The following WDR19 variants were observed in gnomAD, a reference collection of about 807,000 sequenced individuals.
WDR19 encodes the protein WD repeat-containing protein 19.
Under a neutral mutation model 180.0 loss-of-function variants are expected in WDR19, and 121 were observed. That is an observed-to-expected ratio of 0.67 (90% CI 0.58 to 0.78). The LOEUF (loss-of-function observed/expected upper bound fraction) is 0.78. WDR19 is among the 30% of genes least tolerant of loss of function. The probability of loss-of-function intolerance (pLI) is 0.00; values close to 1 mark genes in which losing one functional copy is unlikely to be tolerated. For synonymous variants in WDR19, 497 were observed against 540.7 expected, an observed-to-expected ratio of 0.92 and a Z score of 1.12; for missense variants, 1,450 against 1,640.7, an observed-to-expected ratio of 0.88 and a Z score of 2.01.
intron 13 of WDR19, 90 bp downstream of exon 13, chr4:39,217,330 G>C: frequency 1.6e-5 from 17 of 1,089,866 alleles, no homozygotes; most frequent in Non-Finnish European, 2.3e-5. Context: ...AGGAAGCAAG[G>C]ATGTACAGAC....
At chr4:39,230,722 TATC>T (rs1175953695) in intron 17 of WDR19, among the ~76,000 whole-genome samples, 1 of 152,198 alleles carries the variant, frequency 6.6e-6, no homozygotes, top group East Asian at 1.9e-4. Context: ...TTGATTTTTG[TATC>T]ATGTTTCCAA....
chr4:39,235,587 T>C (rs1016618876), intron 20 of WDR19, among the ~76,000 whole-genome samples: 1 of 152,228 alleles, frequency 6.6e-6, no homozygotes, highest in Non-Finnish European at 1.5e-5. Flanking sequence ...TTCATCTACA[T>C]TTTCTATTTG....
intron 20 of WDR19, among the ~76,000 whole-genome samples, chr4:39,237,038 T>C (rs1334159352): frequency 6.6e-6 from 1 of 152,250 alleles, no homozygotes; most frequent in African/African-American, 2.4e-5. Context: ...TGTACATGTA[T>C]GTGTAATGAC....
At chr4:39,244,196 A>T (rs1300775234) in intron 21 of WDR19, 52 bp from the exon 22 acceptor site, 1 of 1,588,336 alleles carries the variant, frequency 6.3e-7, no homozygotes, top group African/African-American at 1.3e-5. Flanking sequence ...TGTCTTAAAC[A>T]CATCGTGTTA....
At chr4:39,206,394 T>C (rs76102137) in intron 9 of WDR19, among the ~76,000 whole-genome samples, 4,389 of 152,262 alleles carry the variant, frequency 0.029, 215 homozygotes, top group African/African-American at 0.1. Flanking sequence ...AAAACTCTGA[T>C]GGAGGATAAT....
chr4:39,216,359 T>TA, intron 12 of WDR19, 149 bp downstream of exon 12: 1 of 705,094 alleles, frequency 1.4e-6, no homozygotes, highest in Non-Finnish European at 2.2e-6. Context: ...GTAAGTCTTC[T>TA]AAAAATTTGC....
At chr4:39,183,235 C>A (rs1388338316) in intron 1 of WDR19, among the ~76,000 whole-genome samples, 1 of 122,090 alleles carries the variant, frequency 8.2e-6, no homozygotes, top group African/African-American at 3.2e-5. Flanking sequence ...TCTGCTCTGG[C>A]AAAGAAATGG....
At chr4:39,205,842 T>A in intron 9 of WDR19, 106 bp downstream of exon 9, 1 of 1,086,732 alleles carries the variant, frequency 9.2e-7, no homozygotes, top group Non-Finnish European at 1.3e-6. Flanking sequence ...GTTTACAATT[T>A]AAAACGTCTA....
chr4:39,200,179 A>G (rs1195579260), intron 6 of WDR19, among the ~76,000 whole-genome samples: 1 of 152,234 alleles, frequency 6.6e-6, no homozygotes, highest in East Asian at 1.9e-4. Context: ...CTAGAGCAAT[A>G]TTGACTAACA....
At chr4:39,257,621 T>C (rs977315217) in intron 28 of WDR19, 67 bp downstream of exon 28, 27 of 1,434,488 alleles carry the variant, frequency 1.9e-5, no homozygotes, top group Admixed American at 1.4e-4. Flanking sequence ...AAAAAAATTT[T>C]AAATATATGC....
chr4:39,209,016 A>T (rs1728232167), intron 9 of WDR19, among the ~76,000 whole-genome samples: 1 of 152,212 alleles, frequency 6.6e-6, no homozygotes, highest in African/African-American at 2.4e-5. Flanking sequence ...CTATAAACCA[A>T]CTAAACCTAA....
At chr4:39,283,991 CAT>C (rs1736860793) in intron 36 of WDR19, among the ~76,000 whole-genome samples, 1 of 152,154 alleles carries the variant, frequency 6.6e-6, no homozygotes. Flanking sequence ...TTTCTGGCTA[CAT>C]TCAAGGAATT....
At chr4:39,267,851 A>G in intron 29 of WDR19, 144 bp from the exon 30 acceptor site, 1 of 735,596 alleles carries the variant, frequency 1.4e-6, no homozygotes, top group South Asian at 1.7e-5. Context: ...TAATAAATAA[A>G]CGAATTCTTT....
At chr4:39,253,424 A>G (rs1560541322) in intron 25 of WDR19, 132 bp downstream of exon 25, 1 of 1,056,166 alleles carries the variant, frequency 9.5e-7, no homozygotes, top group South Asian at 1.6e-5. Flanking sequence ...CTAAGCGTTT[A>G]AATTCAAAGG....
At chr4:39,250,667 T>C (rs1733065087) in intron 24 of WDR19, among the ~76,000 whole-genome samples, 1 of 152,206 alleles carries the variant, frequency 6.6e-6, no homozygotes, top group Non-Finnish European at 1.5e-5. Flanking sequence ...AGTCTCAGGA[T>C]ACAAAATCAA....
intron 14 of WDR19, among the ~76,000 whole-genome samples, chr4:39,220,870 A>ATTT (rs34845614): frequency 4.5e-3 from 271 of 60,424 alleles, no homozygotes; most frequent in East Asian, 6.3e-3. Flanking sequence ...CTGCTAATTA[A>ATTT]TTTTTTTTTT....
At position 39,196,639 on chromosome 4, in the gene WDR19, A is replaced by G. The variant is rs553983706; in HGVS notation, c.406+1980A>G. 2.0e-5 allele frequency among the ~76,000 whole-genome samples: 3 copies of G among 152,252 alleles called. No homozygotes were observed. In the East Asian group the frequency reaches 5.8e-4, roughly 29 times the overall value. On this transcript the variant is annotated intron_variant, in intron 5 of 36. Coordinates refer to ENST00000399820, the MANE Select transcript of WDR19 (RefSeq NM_025132.4). The stretch of plus-strand genomic sequence containing the variant: ...CAGTCTCCTCTTTACTGGCCTCTCC[A>G]TTTCAACTCTTGCCCCACTCTAGAA...
chr4:39,228,071 CTGT>C (rs1428920827), intron 15 of WDR19, 136 bp from the exon 16 acceptor site: 2 of 814,154 alleles, frequency 2.5e-6, no homozygotes, highest in Non-Finnish European at 3.6e-6. Flanking sequence ...ACTTTCTTTC[CTGT>C]TGTTGTTGGA....
Position 39,263,962 on chromosome 4 carries a change from A to T in WDR19, c.3184-2101A>T, listed in dbSNP as rs145532193. ...AAATAGGGACACCTACTGAGTGCTG[A>T]CCCTAGCAGTGGAGTAGCCACATTT... is the stretch of plus-strand genomic sequence containing the variant. On this transcript the variant is annotated intron_variant, in intron 28 of 36. Coordinates refer to ENST00000399820, the MANE Select transcript of WDR19 (RefSeq NM_025132.4). 5.1e-4 allele frequency among the ~76,000 whole-genome samples: 78 copies of T among 151,688 alleles called. 2 individuals carry two copies. The highest frequency in any genetic ancestry group is 1.8e-3 in the African/African-American group (74 of 41,360).
Sources: gnomAD v4.1 joint callset for allele counts (sites outside exome capture counted in the v4.1 genomes callset) on GRCh38, gnomAD v4.1.1 for gene constraint, MANE v1.5 for transcripts, NCBI Gene and HGNC (gene_info 2026-07-23, HGNC 2026-07-21) for gene names.